The following SUPT3H variants were observed in gnomAD, a reference collection of about 807,000 sequenced individuals.
The protein encoded by SUPT3H is SPT3 homolog, SAGA and STAGA complex component.
SUPT3H carries 44 observed loss-of-function variants against 44.3 expected under a neutral mutation model. That is an observed-to-expected ratio of 0.99 (90% CI 0.78 to 1.28). The LOEUF (loss-of-function observed/expected upper bound fraction) is 1.28, where lower values mean the gene tolerates loss of function less well. SUPT3H is among the 50% of genes most tolerant of loss of function. SUPT3H has a pLI of 0.00. For missense variants in SUPT3H, 380 were observed against 387.1 expected, an observed-to-expected ratio of 0.98 and a Z score of 0.15; for synonymous variants, 124 against 125.6, an observed-to-expected ratio of 0.99 and a Z score of 0.09.
chr6:45,039,881 T>C (rs1788264829), intron 3 of SUPT3H, among the ~76,000 whole-genome samples: 2 of 151,968 alleles, frequency 1.3e-5, no homozygotes, highest in Admixed American at 6.6e-5. Flanking sequence ...ATAGGGTTTA[T>C]CTTTGCTATG....
chr6:44,976,703 TA>T (rs1778393114), intron 6 of SUPT3H, among the ~76,000 whole-genome samples: 1 of 152,148 alleles, frequency 6.6e-6, no homozygotes, highest in South Asian at 2.1e-4. Flanking sequence ...TTACCTAAAC[TA>T]AAAATATTTT....
At chr6:44,906,472 C>T (rs1359181598) in intron 10 of SUPT3H, among the ~76,000 whole-genome samples, 1 of 152,052 alleles carries the variant, frequency 6.6e-6, no homozygotes, top group African/African-American at 2.4e-5. Context: ...ACCTATAAAA[C>T]AAAAGCAGTG....
chr6:45,026,985 C>CTTTTTTTTTTTTTTTTTTTTTTTTTTTT, intron 3 of SUPT3H, among the ~76,000 whole-genome samples: 1 of 87,510 alleles, frequency 1.1e-5, no homozygotes. Flanking sequence ...GCTTTGGATC[C>CTTTTTTTTTTTTTTTTTTTTTTTTTTTT]TTTTTTTTTT....
chr6:45,197,750 T>G (rs760659016), intron 2 of SUPT3H: 2 of 189,924 alleles, frequency 1.1e-5, no homozygotes, highest in South Asian at 1.1e-4. Flanking sequence ...AAAAATACAA[T>G]GCATAATGGT....
At chr6:45,087,051 A>T (rs1342175035) in intron 3 of SUPT3H, among the ~76,000 whole-genome samples, 1 of 151,992 alleles carries the variant, frequency 6.6e-6, no homozygotes, top group African/African-American at 2.4e-5. Context: ...TCAAGAGTTT[A>T]AAATCAGATT....
intron 2 of SUPT3H, among the ~76,000 whole-genome samples, chr6:45,275,956 C>T (rs973134405): frequency 5.9e-5 from 9 of 152,014 alleles, no homozygotes; most frequent in African/African-American, 2.2e-4. Flanking sequence ...TACTGAAGAA[C>T]AACCAGTATT....
At position 45,225,324 on chromosome 6, in the gene SUPT3H, C is replaced by CA. The variant is rs1278637584; in HGVS notation, c.102-119319dup. The stretch of plus-strand genomic sequence containing the variant: ...AATAAAAATATACAATCTATACTGT[C>CA]AGACAGGATTTTTATGTTCTTCACT... On this transcript the variant is annotated intron_variant, in intron 2 of 10. Transcript: ENST00000371459. Among the ~76,000 whole-genome samples, 12 of 151,010 alleles carry CA rather than the reference C, an allele frequency of 7.9e-5. No individual in the cohort carries two copies. In the East Asian group the frequency reaches 2.1e-3, roughly 27 times the overall value.
intron 2 of SUPT3H, among the ~76,000 whole-genome samples, chr6:45,130,597 T>C (rs114960703): frequency 0.018 from 2,636 of 150,104 alleles, 50 homozygotes; most frequent in South Asian, 0.084. Flanking sequence ...ATTCTCATCG[T>C]ATGAAGTAAT....
intron 10 of SUPT3H, among the ~76,000 whole-genome samples, chr6:44,853,067 G>C (rs1449559452): frequency 6.6e-6 from 1 of 152,144 alleles, no homozygotes; most frequent in Non-Finnish European, 1.5e-5. Flanking sequence ...AGAGAAATAA[G>C]CTTTTGTTTT....
At chr6:45,074,037 T>C (rs866208779) in intron 3 of SUPT3H, among the ~76,000 whole-genome samples, 4 of 152,074 alleles carry the variant, frequency 2.6e-5, no homozygotes, top group Middle Eastern at 6.8e-3. Flanking sequence ...GAAAAGCAAT[T>C]AAATTAAAGG....
intron 2 of SUPT3H, among the ~76,000 whole-genome samples, chr6:45,361,149 T>C (rs561336073): frequency 6.6e-6 from 1 of 152,298 alleles, no homozygotes; most frequent in East Asian, 1.9e-4. Flanking sequence ...TGCAGAACTG[T>C]ACAATTTTTA....
At chr6:45,118,615 T>C (rs1375168886) in intron 2 of SUPT3H, among the ~76,000 whole-genome samples, 1 of 152,142 alleles carries the variant, frequency 6.6e-6, no homozygotes, top group Non-Finnish European at 1.5e-5. Flanking sequence ...TTGTACATGA[T>C]ATTTTCTCTG....
intron 3 of SUPT3H, among the ~76,000 whole-genome samples, chr6:45,028,961 A>G (rs1336935225): frequency 4.0e-5 from 6 of 150,144 alleles, no homozygotes; most frequent in Non-Finnish European, 8.9e-5. Flanking sequence ...CATCCAAGCC[A>G]GTGGCTCCAT....
intron 10 of SUPT3H, among the ~76,000 whole-genome samples, chr6:44,859,791 C>T (rs1774321856): frequency 6.6e-6 from 1 of 152,188 alleles, no homozygotes; most frequent in Non-Finnish European, 1.5e-5. Context: ...TATTAAAACA[C>T]TGCTGTGTAA....
At chr6:45,306,674 T>C (rs932342993) in intron 2 of SUPT3H, among the ~76,000 whole-genome samples, 8 of 152,134 alleles carry the variant, frequency 5.3e-5, no homozygotes, top group Admixed American at 3.9e-4. Flanking sequence ...GATGGCCGAA[T>C]AGGAACAGCT....
At chr6:45,003,554 G>T in intron 6 of SUPT3H, 99 bp downstream of exon 6, 1 of 1,393,278 alleles carries the variant, frequency 7.2e-7, no homozygotes, top group Non-Finnish European at 9.7e-7. Context: ...CTGACTTAGA[G>T]ATTTCAGACA....
At chr6:45,142,042 C>T (rs1805299513) in intron 2 of SUPT3H, among the ~76,000 whole-genome samples, 1 of 152,150 alleles carries the variant, frequency 6.6e-6, no homozygotes, top group Non-Finnish European at 1.5e-5. Flanking sequence ...AGATTAACAG[C>T]AGATTTCTCA....
chr6:44,945,868 G>A (rs1021016420), intron 9 of SUPT3H, among the ~76,000 whole-genome samples: 1 of 152,176 alleles, frequency 6.6e-6, no homozygotes, highest in Admixed American at 6.6e-5. Context: ...CATTGTAGAT[G>A]AAATGGCTAT....
At chr6:45,175,330 G>C (rs955453476) in intron 2 of SUPT3H, among the ~76,000 whole-genome samples, 1 of 152,148 alleles carries the variant, frequency 6.6e-6, no homozygotes, top group African/African-American at 2.4e-5. Context: ...TGGCTGGGGA[G>C]GCCGCAGGAA....
Sources: gnomAD v4.1 joint callset for allele counts (sites outside exome capture counted in the v4.1 genomes callset) on GRCh38, gnomAD v4.1.1 for gene constraint, MANE v1.5 for transcripts, NCBI Gene and HGNC (gene_info 2026-07-23, HGNC 2026-07-21) for gene names.